Variants in TNFRSF21 observed in about 807,000 individuals in gnomAD.
TNFRSF21 encodes tumor necrosis factor receptor superfamily member 21.
Under a neutral mutation model 45.6 loss-of-function variants are expected in TNFRSF21, and 19 were observed. The ratio of observed to expected loss-of-function variants is 0.42; its 90% confidence interval spans 0.29 to 0.61. TNFRSF21 has a LOEUF of 0.61. Among genes scored for constraint, TNFRSF21 ranks in the 20% least tolerant of loss-of-function variants. The pLI is 0.23. For missense variants in TNFRSF21, 737 were observed against 851.5 expected (o/e 0.87, Z 1.67); for synonymous variants, 314 against 335.5 (o/e 0.94, Z 0.70).
chr6:47,266,139 G>T (rs571996171), intron 3 of TNFRSF21, among the ~76,000 whole-genome samples: 4 of 152,188 alleles, frequency 2.6e-5, no homozygotes, highest in East Asian at 1.9e-4. Flanking sequence ...ATTGCAAATC[G>T]ACTCCCACTA....
At chr6:47,279,181 GT>G (rs1762534806) in intron 3 of TNFRSF21, among the ~76,000 whole-genome samples, 1 of 152,150 alleles carries the variant, frequency 6.6e-6, no homozygotes, top group Admixed American at 6.5e-5. Context: ...AGGCCCACTA[GT>G]TGCTGAGAAC....
In TNFRSF21 at chr6:47,309,541, G is replaced by C; in HGVS notation, c.-30C>G. The C allele has an allele frequency of 7.1e-7, 1 of 1,399,504 alleles. No homozygotes were observed. The highest frequency in any genetic ancestry group is 3.4e-5 in the Admixed American group (1 of 29,484). 86.7% of individuals were successfully genotyped at this position (1,399,504 alleles called of 1,614,324 possible). On this transcript the variant is annotated 5_prime_UTR_variant, in exon 1 of 6. Transcript: ENST00000296861. ...GAACCGGGGACTCGCAGGGGCGCCC[G>C]GGGCGCGCGGGGCAGCTGGAATCGG...
intron 4 of TNFRSF21, among the ~76,000 whole-genome samples, chr6:47,235,498 A>T (rs1248198693): frequency 6.6e-6 from 1 of 152,190 alleles, no homozygotes; most frequent in Non-Finnish European, 1.5e-5. Context: ...CTCAGAAGAC[A>T]CCTTGGTCTT....
At chr6:47,264,562 G>A (rs1342923882) in intron 3 of TNFRSF21, among the ~76,000 whole-genome samples, 2 of 152,138 alleles carry the variant, frequency 1.3e-5, no homozygotes, top group African/African-American at 2.4e-5. Context: ...AAAGGCTAGA[G>A]AACAGTCACT....
chr6:47,241,019 C>T (rs1243312337), intron 4 of TNFRSF21, among the ~76,000 whole-genome samples: 3 of 152,094 alleles, frequency 2.0e-5, no homozygotes, highest in African/African-American at 7.2e-5. Context: ...CCCACATAAT[C>T]AAAATCAAAT....
In TNFRSF21 at chr6:47,309,729, G is replaced by C. The variant is rs1167681111; in HGVS notation, c.-218C>G. 3.5e-5 allele frequency: 19 copies of C among 547,496 alleles called. No homozygotes were observed. Among genetic ancestry groups the C allele is most frequent in the Non-Finnish European group, 2.8e-6 (1 of 359,174 alleles). The allele number at this position is 547,496 out of a possible 1,614,324, so 33.9% of individuals were successfully genotyped here. On this transcript the variant is annotated 5_prime_UTR_variant, in exon 1 of 6. Coordinates refer to ENST00000296861, the MANE Select transcript of TNFRSF21 (RefSeq NM_014452.5). ...TGCCCAGCGGCGCGGCCGCCCAGGC[G>C]GGGAGAAGCCGCCGCGACTGCAGCC...
chr6:47,238,273 G>A (rs1274007290), intron 4 of TNFRSF21, among the ~76,000 whole-genome samples: 1 of 152,196 alleles, frequency 6.6e-6, no homozygotes, highest in Non-Finnish European at 1.5e-5. Context: ...AATGTTTGTG[G>A]ACACGGCATT....
At chr6:47,297,391 G>C in intron 1 of TNFRSF21, among the ~76,000 whole-genome samples, 1 of 151,376 alleles carries the variant, frequency 6.6e-6, no homozygotes, top group East Asian at 1.9e-4. Flanking sequence ...TTCCATAAAT[G>C]TTATCTTAAT....
intron 3 of TNFRSF21, among the ~76,000 whole-genome samples, chr6:47,262,580 G>A (rs954096958): frequency 1.3e-5 from 2 of 152,168 alleles, no homozygotes; most frequent in Non-Finnish European, 2.9e-5. Flanking sequence ...AAATAAAGCA[G>A]GTAAAGAGGA....
At chr6:47,291,961 G>C (rs977900469) in intron 1 of TNFRSF21, among the ~76,000 whole-genome samples, 1 of 152,140 alleles carries the variant, frequency 6.6e-6, no homozygotes, top group African/African-American at 2.4e-5. Flanking sequence ...TTTTCCTAGG[G>C]CCTTTTAGTC....
intron 4 of TNFRSF21, among the ~76,000 whole-genome samples, chr6:47,252,280 G>C (rs2207722): frequency 0.051 from 7,718 of 152,206 alleles, 318 homozygotes; most frequent in Non-Finnish European, 0.082. Flanking sequence ...TGGACCACTG[G>C]AATAATAACA....
At chr6:47,308,892 A>G (rs1012700027) in intron 1 of TNFRSF21, among the ~76,000 whole-genome samples, 4 of 152,220 alleles carry the variant, frequency 2.6e-5, no homozygotes, top group Admixed American at 1.3e-4. Flanking sequence ...ACCGCGCGAC[A>G]GCACCCGGAG....
At chr6:47,234,170 T>C (rs1032467257) in intron 5 of TNFRSF21, among the ~76,000 whole-genome samples, 1 of 151,872 alleles carries the variant, frequency 6.6e-6, no homozygotes, top group Non-Finnish European at 1.5e-5. Flanking sequence ...AGAGATGGGG[T>C]TTCACCATGT....
At chr6:47,235,119 A>T (rs1453092178) in intron 4 of TNFRSF21, among the ~76,000 whole-genome samples, 1 of 152,168 alleles carries the variant, frequency 6.6e-6, no homozygotes, top group Non-Finnish European at 1.5e-5. Flanking sequence ...AAAAACGGGG[A>T]GGCATATGAA....
chr6:47,284,341 G>A lies in TNFRSF21; in HGVS notation c.840C>T (p.Ser280=), dbSNP rs1194627410. The A allele has an allele frequency of 1.3e-6, 2 of 1,588,126 alleles. No homozygotes were observed. Among genetic ancestry groups the A allele is most frequent in the Non-Finnish European group, 1.7e-6 (2 of 1,168,240 alleles). The change falls in exon 3 of 6, where the codon AGC becomes AGT. Residue 280 remains serine, a synonymous_variant. Transcript: ENST00000296861. ...IQEGTVPDNT[S]SARGKEDVNK... ...TCACGTCTTCCTTCCCCCTTGCTGAGCTTGTGTTGTCAGGGACTGTCCCTT... is the reference window on the plus strand; with the variant it reads ...TCACGTCTTCCTTCCCCCTTGCTGAACTTGTGTTGTCAGGGACTGTCCCTT...
At chr6:47,279,453 G>A (rs16875846) in intron 3 of TNFRSF21, among the ~76,000 whole-genome samples, 5,342 of 152,212 alleles carry the variant, frequency 0.035, 317 homozygotes, top group African/African-American at 0.12. Flanking sequence ...GCAGATCATT[G>A]GTGACTTTTC....
intron 4 of TNFRSF21, among the ~76,000 whole-genome samples, chr6:47,243,415 A>G (rs946183990): frequency 4.6e-5 from 7 of 152,074 alleles, no homozygotes; most frequent in Admixed American, 4.6e-4. Context: ...TGGTGGCACA[A>G]TGTACATACT....
intron 4 of TNFRSF21, among the ~76,000 whole-genome samples, chr6:47,238,461 A>G (rs1764697372): frequency 6.6e-6 from 1 of 152,218 alleles, no homozygotes; most frequent in African/African-American, 2.4e-5. Context: ...TGAGGTGGGG[A>G]CAGTAAATAG....
intron 2 of TNFRSF21, 124 bp from the exon 3 acceptor site, chr6:47,284,556 T>A: frequency 8.8e-7 from 1 of 1,140,880 alleles, no homozygotes; most frequent in Non-Finnish European, 1.2e-6. Flanking sequence ...CCTTGGGGCT[T>A]AAGAATAAAT....
Sources: gnomAD v4.1 joint callset for allele counts (sites outside exome capture counted in the v4.1 genomes callset) on GRCh38, gnomAD v4.1.1 for gene constraint, MANE v1.5 for transcripts, NCBI Gene and HGNC (gene_info 2026-07-23, HGNC 2026-07-21) for gene names.